The following PDE4B variants were observed in gnomAD, a reference collection of about 807,000 sequenced individuals.
PDE4B encodes 3',5'-cyclic-AMP phosphodiesterase 4B.
In PDE4B, 20 loss-of-function variants were observed where a neutral mutation model predicts 82.2. The ratio of observed to expected loss-of-function variants is 0.24; its 90% CI spans 0.17 to 0.35. PDE4B has a LOEUF of 0.35. Ranked by LOEUF, PDE4B falls within the 10% of genes least tolerant of loss-of-function variation. The pLI, the probability that PDE4B is intolerant of heterozygous loss-of-function variation, is 1.00. For synonymous variants in PDE4B, 320 were observed against 318.9 expected (o/e 1.00, Z -0.04); for missense variants, 655 against 907.2 (o/e 0.72, Z 3.57).
chr1:66,027,229 G>C (rs1013824561), intron 3 of PDE4B, among the ~76,000 whole-genome samples: 4 of 152,172 alleles, frequency 2.6e-5, no homozygotes, highest in African/African-American at 7.2e-5. Context: ...GAGGAAAAAG[G>C]CACTTCTTAC....
chr1:66,095,805 C>G (rs552413178), intron 3 of PDE4B, among the ~76,000 whole-genome samples: 1 of 151,922 alleles, frequency 6.6e-6, no homozygotes, highest in Non-Finnish European at 1.5e-5. Flanking sequence ...GCTTCACCTT[C>G]AAGTGTGGGA....
chr1:66,070,511 G>T (rs775996419), intron 3 of PDE4B, among the ~76,000 whole-genome samples: 23 of 151,978 alleles, frequency 1.5e-4, no homozygotes, highest in Non-Finnish European at 2.9e-4. Flanking sequence ...TTGTCCCAAA[G>T]TTCTGGCTAT....
At chr1:66,308,364 C>G (rs1372933187) in intron 7 of PDE4B, among the ~76,000 whole-genome samples, 1 of 152,076 alleles carries the variant, frequency 6.6e-6, no homozygotes, top group East Asian at 1.9e-4. Flanking sequence ...GTATCATATG[C>G]AGAGAGAAAA....
intron 3 of PDE4B, among the ~76,000 whole-genome samples, chr1:66,017,248 A>G (rs1421644069): frequency 6.6e-6 from 1 of 152,214 alleles, no homozygotes; most frequent in Non-Finnish European, 1.5e-5. Context: ...TAAGGCCTTT[A>G]GTAAATGTTT....
At chr1:66,202,502 C>A (rs1383459870) in intron 3 of PDE4B, among the ~76,000 whole-genome samples, 1 of 152,070 alleles carries the variant, frequency 6.6e-6, no homozygotes, top group Non-Finnish European at 1.5e-5. Context: ...GTAGGTCACG[C>A]AGGACTTGCT....
rs545085496 is a variant in PDE4B, at chr1:66,371,448, A to G, written c.1846-865A>G. Among the ~76,000 whole-genome samples the G allele has an allele frequency of 5.3e-5, 8 of 152,270 alleles. No homozygotes were observed. The East Asian group carries it at 1.4e-3, about 26-fold the overall frequency. On this transcript the variant is annotated intron_variant, in intron 16 of 16. Transcript: ENST00000341517. ...TGTCCAACAATGAGGAGGCCAGCGT[A>G]AGGCCACACTGCTAGCTCATGCAGG...
intron 3 of PDE4B, among the ~76,000 whole-genome samples, chr1:66,196,821 AG>A (rs893508588): frequency 7.1e-5 from 3 of 42,268 alleles, no homozygotes; most frequent in African/African-American, 2.9e-4. Context: ...GGGTGGGGGG[AG>A]GGGGGAGGGA....
At chr1:65,892,226 A>T (rs940971174) in intron 1 of PDE4B, among the ~76,000 whole-genome samples, 32 of 152,072 alleles carry the variant, frequency 2.1e-4, no homozygotes, top group Non-Finnish European at 7.4e-5. Context: ...TGCTTAAGAC[A>T]ATAGTCACAA....
At chr1:65,812,529 A>G (rs943040398) in intron 1 of PDE4B, among the ~76,000 whole-genome samples, 2 of 152,194 alleles carry the variant, frequency 1.3e-5, no homozygotes, top group African/African-American at 4.8e-5. Context: ...TTTCCAAGAC[A>G]GTAAAATGTC....
At chr1:65,830,875 T>C (rs1384688865) in intron 1 of PDE4B, among the ~76,000 whole-genome samples, 4 of 152,146 alleles carry the variant, frequency 2.6e-5, no homozygotes, top group Non-Finnish European at 5.9e-5. Flanking sequence ...TAGAATGTGA[T>C]AACAATAGAG....
intron 3 of PDE4B, among the ~76,000 whole-genome samples, chr1:66,034,307 T>A (rs533930091): frequency 1.3e-5 from 2 of 152,258 alleles, no homozygotes; most frequent in African/African-American, 2.4e-5. Flanking sequence ...TAGTTGAAAG[T>A]TAAAAATTTC....
At chr1:66,308,336 C>T (rs17128784) in intron 7 of PDE4B, among the ~76,000 whole-genome samples, 21,977 of 151,936 alleles carry the variant, frequency 0.14, 2,822 homozygotes, top group African/African-American at 0.32. Flanking sequence ...GATTTTTTTC[C>T]GGAAACTTAT....
intron 3 of PDE4B, among the ~76,000 whole-genome samples, chr1:66,002,647 CTG>C (rs1651928120): frequency 6.6e-6 from 1 of 152,008 alleles, no homozygotes; most frequent in African/African-American, 2.4e-5. Context: ...GGTTCTATCA[CTG>C]TATAATTTTG....
At chr1:66,370,793 G>C (rs536192671) in intron 16 of PDE4B, among the ~76,000 whole-genome samples, 1 of 152,134 alleles carries the variant, frequency 6.6e-6, no homozygotes, top group Admixed American at 6.5e-5. Flanking sequence ...ATTACCTTGA[G>C]CTTGTTATTT....
chr1:65,824,612 C>CAT (rs34795074), intron 1 of PDE4B, among the ~76,000 whole-genome samples: 30 of 149,328 alleles, frequency 2.0e-4, no homozygotes, highest in South Asian at 4.2e-4. Flanking sequence ...ACTTCACCTA[C>CAT]ATATATATAT....
chr1:65,973,809 G>T (rs554421221), intron 3 of PDE4B, among the ~76,000 whole-genome samples: 5 of 150,132 alleles, frequency 3.3e-5, no homozygotes, highest in Admixed American at 6.6e-5. Context: ...GTAGCACTGG[G>T]TTTTTTTTTT....
intron 1 of PDE4B, among the ~76,000 whole-genome samples, chr1:65,866,385 A>G (rs140782774): frequency 3.9e-5 from 6 of 152,336 alleles, no homozygotes; most frequent in African/African-American, 1.4e-4. Context: ...TGTCACTAAC[A>G]CACTCAAACT....
At chr1:66,215,210 A>G (rs1650360647) in intron 3 of PDE4B, among the ~76,000 whole-genome samples, 1 of 152,164 alleles carries the variant, frequency 6.6e-6, no homozygotes, top group South Asian at 2.1e-4. Context: ...CAACAAGCCA[A>G]TGGGAAGGTT....
chr1:65,797,812 G>A (rs975143360), intron 1 of PDE4B, among the ~76,000 whole-genome samples: 1 of 152,028 alleles, frequency 6.6e-6, no homozygotes, highest in Non-Finnish European at 1.5e-5. Context: ...CTACTACTAG[G>A]TTAGGAGTCG....
Sources: gnomAD v4.1 joint callset for allele counts (sites outside exome capture counted in the v4.1 genomes callset) on GRCh38, gnomAD v4.1.1 for gene constraint, MANE v1.5 for transcripts, NCBI Gene and HGNC (gene_info 2026-07-23, HGNC 2026-07-21) for gene names.